The following SMYD3 variants were observed in gnomAD, a reference collection of about 807,000 sequenced individuals.
SMYD3 encodes the protein SET and MYND domain containing 3.
SMYD3 carries 36 observed loss-of-function variants against 57.7 expected under a neutral mutation model. That is an observed-to-expected ratio of 0.62 (90% CI 0.48 to 0.82). SMYD3 has a LOEUF of 0.82. Among genes scored for constraint, SMYD3 ranks in the 40% least tolerant of loss-of-function variants. The pLI is 0.00. For missense variants in SMYD3, 515 were observed against 538.8 expected (o/e 0.96, Z 0.44); for synonymous variants, 211 against 195.0 (o/e 1.08, Z -0.68).
intron 5 of SMYD3, among the ~76,000 whole-genome samples, chr1:246,010,454 G>A (rs2059261849): frequency 6.6e-6 from 1 of 152,148 alleles, no homozygotes; most frequent in Non-Finnish European, 1.5e-5. Context: ...AATGATGCCA[G>A]GAAGAAAGCC....
chr1:246,106,044 G>A (rs1486031083), intron 5 of SMYD3, among the ~76,000 whole-genome samples: 1 of 152,170 alleles, frequency 6.6e-6, no homozygotes, highest in East Asian at 1.9e-4. Context: ...TGACTTAGCT[G>A]CCCAGCATGC....
intron 5 of SMYD3, among the ~76,000 whole-genome samples, chr1:246,285,267 A>G (rs1002929231): frequency 6.6e-6 from 1 of 152,218 alleles, no homozygotes; most frequent in Non-Finnish European, 1.5e-5. Context: ...CTCCAGTTGC[A>G]TCCAGGTTGC....
Position 246,203,402 on chromosome 1 carries a change from A to G in SMYD3, c.531+123799T>C, listed in dbSNP as rs1042574027. Among the ~76,000 whole-genome samples, 6 of 152,232 alleles carry G rather than the reference A, an allele frequency of 3.9e-5. No individual in the cohort carries two copies. Among genetic ancestry groups the G allele is most frequent in the African/African-American group, 1.4e-4 (6 of 41,462 alleles). Reference sequence around the variant, plus strand: ...CCCATGGTTGTTCGCTAGAGCTGCCATAACAGAATACTACAGACTGGTGGC... The same window carrying G: ...CCCATGGTTGTTCGCTAGAGCTGCCGTAACAGAATACTACAGACTGGTGGC... On this transcript the variant is annotated intron_variant, in intron 5 of 11. Transcript: ENST00000490107. The surrounding 1 kb of genome is among the most constrained non-coding windows in gnomAD (Gnocchi z 4.6).
chr1:246,208,779 A>T (rs12134377), intron 5 of SMYD3, among the ~76,000 whole-genome samples: 14,425 of 152,168 alleles, frequency 0.095, 835 homozygotes, highest in East Asian at 0.21. Context: ...GCCAAAACCA[A>T]CTAAAGTAGT....
At chr1:246,169,973 A>T (rs2062300279) in intron 5 of SMYD3, among the ~76,000 whole-genome samples, 1 of 151,790 alleles carries the variant, frequency 6.6e-6, no homozygotes, top group African/African-American at 2.4e-5. Context: ...TTCACAGATT[A>T]TGGAAATATT....
chr1:246,269,958 C>G (rs1248187665), intron 5 of SMYD3, among the ~76,000 whole-genome samples: 3 of 152,104 alleles, frequency 2.0e-5, no homozygotes, highest in African/African-American at 7.2e-5. Context: ...CCTCCAACAC[C>G]AGAGACAGAG....
intron 8 of SMYD3, among the ~76,000 whole-genome samples, chr1:245,875,658 C>T (rs1026858355): frequency 6.6e-6 from 1 of 152,168 alleles, no homozygotes; most frequent in Non-Finnish European, 1.5e-5. Context: ...CTTCCTCTTG[C>T]CCAAGGGAAT....
intron 5 of SMYD3, among the ~76,000 whole-genome samples, chr1:246,084,948 C>T (rs2060699652): frequency 6.6e-6 from 1 of 152,090 alleles, no homozygotes; most frequent in East Asian, 1.9e-4. Context: ...TAAAGATGCG[C>T]ATTAACATTT....
At chr1:246,479,831 G>T (rs559561639) in intron 1 of SMYD3, among the ~76,000 whole-genome samples, 12 of 152,248 alleles carry the variant, frequency 7.9e-5, no homozygotes, top group Admixed American at 1.3e-4. Context: ...TTTGTCTGTT[G>T]TGGTTCTCTG....
At chr1:246,497,712 C>T (rs1224813990) in intron 1 of SMYD3, among the ~76,000 whole-genome samples, 1 of 151,978 alleles carries the variant, frequency 6.6e-6, no homozygotes, top group East Asian at 1.9e-4. Flanking sequence ...TTTTAATTAG[C>T]TGGGTATGAT....
At chr1:245,943,089 G>A (rs531500765) in intron 5 of SMYD3, among the ~76,000 whole-genome samples, 88 of 143,730 alleles carry the variant, frequency 6.1e-4, no homozygotes, top group African/African-American at 2.1e-3. Flanking sequence ...AGAGAACCAC[G>A]AGCAAACAAA....
At chr1:246,385,726 C>T (rs941686783) in intron 1 of SMYD3, among the ~76,000 whole-genome samples, 5 of 152,128 alleles carry the variant, frequency 3.3e-5, no homozygotes, top group Non-Finnish European at 5.9e-5. Context: ...CTGTGTAGAG[C>T]GGTGCTTTTC....
At chr1:246,074,548 G>A (rs1340087293) in intron 5 of SMYD3, among the ~76,000 whole-genome samples, 5 of 152,164 alleles carry the variant, frequency 3.3e-5, no homozygotes, top group Non-Finnish European at 7.3e-5. Flanking sequence ...ACAGAAACTG[G>A]AAGGGAGTTA....
At chr1:246,506,164 C>T (rs2068534044) in intron 1 of SMYD3, among the ~76,000 whole-genome samples, 1 of 152,228 alleles carries the variant, frequency 6.6e-6, no homozygotes, top group South Asian at 2.1e-4. Context: ...TCATCGCACT[C>T]ATCTCAAAAT....
At chr1:246,219,667 G>A (rs545655467) in intron 5 of SMYD3, among the ~76,000 whole-genome samples, 3 of 152,246 alleles carry the variant, frequency 2.0e-5, no homozygotes, top group Admixed American at 6.5e-5. Context: ...CGCATAAGCC[G>A]TCTGCAGAGA....
chr1:246,457,440 G>A (rs1397606124), intron 1 of SMYD3, among the ~76,000 whole-genome samples: 1 of 149,836 alleles, frequency 6.7e-6, no homozygotes, highest in Admixed American at 6.7e-5. Flanking sequence ...GGCTGAGGCA[G>A]GAGAATCACT....
chr1:245,834,252 T>G (rs1268873551), intron 10 of SMYD3, among the ~76,000 whole-genome samples: 1 of 152,198 alleles, frequency 6.6e-6, no homozygotes, highest in Non-Finnish European at 1.5e-5. Context: ...TGCATTTCTT[T>G]GACCTCTCAT....
chr1:246,103,393 T>C (rs1162519452), intron 5 of SMYD3, among the ~76,000 whole-genome samples: 1 of 151,834 alleles, frequency 6.6e-6, no homozygotes, highest in Non-Finnish European at 1.5e-5. Flanking sequence ...TGTATCTTCA[T>C]CCACAGGAAA....
At chr1:246,284,620 G>A (rs964763335) in intron 5 of SMYD3, among the ~76,000 whole-genome samples, 5 of 151,472 alleles carry the variant, frequency 3.3e-5, no homozygotes, top group African/African-American at 9.7e-5. Flanking sequence ...GTTTCACCAT[G>A]TTAGCCAAGA....
Sources: gnomAD v4.1 joint callset for allele counts (sites outside exome capture counted in the v4.1 genomes callset) on GRCh38, gnomAD v4.1.1 for gene constraint, Gnocchi (gnomAD v3.1) non-coding constraint, MANE v1.5 for transcripts, NCBI Gene and HGNC (gene_info 2026-07-23, HGNC 2026-07-21) for gene names.